The following SEPTIN9 variants were observed in gnomAD, a reference collection of about 807,000 sequenced individuals.
SEPTIN9 encodes septin-9.
Under a neutral mutation model 56.6 loss-of-function variants are expected in SEPTIN9, and 13 were observed. The observed-to-expected ratio is 0.23, with a 90% CI of 0.15 to 0.37. SEPTIN9 has a LOEUF of 0.37. Among genes scored for constraint, SEPTIN9 ranks in the 10% least tolerant of loss-of-function variants. SEPTIN9 has a pLI of 1.00. For missense variants in SEPTIN9, 650 were observed against 823.1 expected (o/e 0.79, Z 2.57); for synonymous variants, 332 against 334.1 (o/e 0.99, Z 0.07).
In SEPTIN9 at chr17:77,402,491, C is replaced by G; in HGVS notation, c.509C>G (p.Ser170Cys). Residue 170 changes from serine (S) to cysteine (C), a missense_variant, in exon 3 of 12, where the codon TCC becomes TGC. Coordinates refer to ENST00000427177, the MANE Select transcript of SEPTIN9 (RefSeq NM_001113491.2). The surrounding 1 kb of genome is among the most constrained non-coding windows in gnomAD (Gnocchi z 6.6). ...SAHRRMEPPASKVPEVPTAPA... is the reference protein window; with the variant it reads ...SAHRRMEPPACKVPEVPTAPA... ...CACCGGAGGATGGAGCCCCCTGCCT[C>G]CAAGGTCCCCGAGGTGCCCACTGCC... is the stretch of plus-strand genomic sequence containing the variant. 7.5e-6 allele frequency: 12 copies of G among 1,604,930 alleles called. No homozygotes were observed. Among genetic ancestry groups the G allele is most frequent in the Non-Finnish European group, 1.0e-5 (12 of 1,176,252 alleles).
intron 3 of SEPTIN9, among the ~76,000 whole-genome samples, chr17:77,418,922 A>G (rs1320910778): frequency 6.6e-6 from 1 of 151,984 alleles, no homozygotes; most frequent in Non-Finnish European, 1.5e-5. Flanking sequence ...GACGGCTGTC[A>G]TGTCCCCTCT....
intron 4 of SEPTIN9, among the ~76,000 whole-genome samples, chr17:77,484,410 T>C (rs111064312): frequency 0.54 from 73,650 of 135,836 alleles, 21,526 homozygotes; most frequent in African/African-American, 0.74. Context: ...AGTGGTGGGA[T>C]GGTAGTGATG....
intron 2 of SEPTIN9, among the ~76,000 whole-genome samples, chr17:77,394,205 A>T (rs904945716): frequency 1.1e-4 from 16 of 152,176 alleles, no homozygotes; most frequent in African/African-American, 3.6e-4. Context: ...CCCTACACAG[A>T]TCAGGGACCT....
chr17:77,498,674 C>CCCCCCGGGTCCTG lies in SEPTIN9; in HGVS notation c.*20_*21insCGGGTCCTGCCCC. The CCCCCCGGGTCCTG allele has an allele frequency of 6.6e-7, 1 of 1,519,992 alleles. No individual in the cohort carries two copies. Among genetic ancestry groups the CCCCCCGGGTCCTG allele is most frequent in the Non-Finnish European group, 8.9e-7 (1 of 1,128,964 alleles). 94.2% of individuals were successfully genotyped at this position (1,519,992 alleles called of 1,614,324 possible). ...GGAGATGTAGACGCCACCCTGCCCA[C>CCCCCCGGGTCCTG]CCCCGGGATCCTGCCCCCAAGTCAT... On this transcript the variant is annotated 3_prime_UTR_variant, in exon 12 of 12. Coordinates refer to ENST00000427177, the MANE Select transcript of SEPTIN9 (RefSeq NM_001113491.2).
At chr17:77,312,577 G>A (rs945646861) in intron 2 of SEPTIN9, among the ~76,000 whole-genome samples, 2 of 152,094 alleles carry the variant, frequency 1.3e-5, no homozygotes, top group African/African-American at 2.4e-5. Flanking sequence ...CCATAGCCTC[G>A]GACCAGAGCC....
At chr17:77,362,522 TA>T (rs1272515123) in intron 2 of SEPTIN9, among the ~76,000 whole-genome samples, 2 of 152,210 alleles carry the variant, frequency 1.3e-5, no homozygotes, top group Non-Finnish European at 2.9e-5. Flanking sequence ...TTCTCTAATT[TA>T]TTTTGTTCCC....
intron 1 of SEPTIN9, among the ~76,000 whole-genome samples, chr17:77,302,743 G>A (rs1274144285): frequency 6.6e-6 from 1 of 152,106 alleles, no homozygotes; most frequent in Non-Finnish European, 1.5e-5. Flanking sequence ...GTCCACCCCT[G>A]CAAAGCTGCT....
rs2143701378 is a variant in SEPTIN9 at position 77,329,844 on chromosome 17, A to G, written c.76+22647A>G. On this transcript the variant is annotated intron_variant, in intron 2 of 11. Transcript: ENST00000427177. This position sits in a 1 kb window ranked among gnomAD's most constrained non-coding sequence, Gnocchi z 4.3. ...GAGGCAGAACCTCCCTCCCATATTT[A>G]CAGCACCAGCCAAGGCTTCGGGGTT... Among the ~76,000 whole-genome samples the G allele has an allele frequency of 6.6e-6, 1 of 152,224 alleles. No homozygotes were observed. Among genetic ancestry groups the G allele is most frequent in the African/African-American group, 2.4e-5 (1 of 41,550 alleles).
At chr17:77,423,931 C>T (rs1188671885) in intron 3 of SEPTIN9, among the ~76,000 whole-genome samples, 1 of 147,728 alleles carries the variant, frequency 6.8e-6, no homozygotes, top group Non-Finnish European at 1.5e-5. Context: ...CCGCCCTGAG[C>T]CCTGCCTGGG....
intron 3 of SEPTIN9, among the ~76,000 whole-genome samples, chr17:77,447,350 A>G (rs2037780603): frequency 6.6e-6 from 1 of 152,068 alleles, no homozygotes; most frequent in East Asian, 1.9e-4. Context: ...CTCAGCCCCC[A>G]CGTCTGCATC....
At chr17:77,440,249 G>A (rs2037495636) in intron 3 of SEPTIN9, among the ~76,000 whole-genome samples, 2 of 152,086 alleles carry the variant, frequency 1.3e-5, no homozygotes, top group African/African-American at 4.8e-5. Context: ...CCACCTCTCG[G>A]GTTCAAGCGA....
intron 2 of SEPTIN9, among the ~76,000 whole-genome samples, chr17:77,358,517 G>A (rs2034323325): frequency 6.6e-6 from 1 of 151,908 alleles, no homozygotes; most frequent in African/African-American, 2.4e-5. Context: ...GCTACTCAAG[G>A]AGAACCCAGC....
chr17:77,302,170 A>T (rs973950301), intron 1 of SEPTIN9, among the ~76,000 whole-genome samples: 1 of 152,230 alleles, frequency 6.6e-6, no homozygotes, highest in Non-Finnish European at 1.5e-5. Flanking sequence ...ATAACAACCC[A>T]GGTAAAAGAA....
chr17:77,468,236 G>A (rs1160369293), intron 3 of SEPTIN9, among the ~76,000 whole-genome samples: 1 of 152,176 alleles, frequency 6.6e-6, no homozygotes, highest in African/African-American at 2.4e-5. Flanking sequence ...CTGCACTCCA[G>A]CCTGGGCGAC....
At chr17:77,412,718 C>T (rs375658763) in intron 3 of SEPTIN9, among the ~76,000 whole-genome samples, 2 of 151,510 alleles carry the variant, frequency 1.3e-5, no homozygotes, top group Non-Finnish European at 2.9e-5. Context: ...AGAGTGAGAT[C>T]CTGTCTAAAA....
chr17:77,474,531 C>A (rs1031235975), intron 3 of SEPTIN9, among the ~76,000 whole-genome samples: 3 of 152,212 alleles, frequency 2.0e-5, no homozygotes, highest in Non-Finnish European at 4.4e-5. Context: ...CTCCAGCTCC[C>A]TGGGGGAGAG....
chr17:77,492,578 C>A lies in SEPTIN9; in HGVS notation c.1381-43C>A. ...GGCAAACACCAGTGGGTGGGTAGAG[C>A]TTGCCACAGGGATGGGCCCATCTCT... On this transcript the variant is annotated intron_variant, in intron 8 of 11. Coordinates refer to ENST00000427177, the MANE Select transcript of SEPTIN9 (RefSeq NM_001113491.2). The surrounding 1 kb of genome is among the most constrained non-coding windows in gnomAD (Gnocchi z 5.4). 6.4e-7 allele frequency: 1 copy of A among 1,570,550 alleles called. No homozygotes were observed. Among genetic ancestry groups the A allele is most frequent in the Non-Finnish European group, 8.8e-7 (1 of 1,140,368 alleles).
chr17:77,318,662 TG>T lies in SEPTIN9; in HGVS notation c.76+11468del, dbSNP rs1183557636. Among the ~76,000 whole-genome samples, 1 of 152,030 alleles carries T rather than the reference TG, an allele frequency of 6.6e-6. No individual in the cohort carries two copies. The highest frequency in any genetic ancestry group is 2.4e-5 in the African/African-American group (1 of 41,396). On this transcript the variant is annotated intron_variant, in intron 2 of 11. Transcript: ENST00000427177. The surrounding 1 kb of genome is among the most constrained non-coding windows in gnomAD (Gnocchi z 4.9). ...GGTTGCTTGATGTCTCCCAGAAGGC[TG>T]GGAATGGTCCTCCCCACCCCCCAGG... is the stretch of plus-strand genomic sequence containing the variant.
chr17:77,449,595 C>T lies in SEPTIN9; in HGVS notation c.722-32549C>T, dbSNP rs1190605822. ...GAGGGAGAGGCCCACGGGGCAGGGG[C>T]GTGGTGGGAGCTGCATCCTCGAGGC... On this transcript the variant is annotated intron_variant, in intron 3 of 11. Coordinates refer to ENST00000427177, the MANE Select transcript of SEPTIN9 (RefSeq NM_001113491.2). The surrounding 1 kb of genome is among the most constrained non-coding windows in gnomAD (Gnocchi z 4.6). 3.3e-5 allele frequency among the ~76,000 whole-genome samples: 5 copies of T among 152,142 alleles called. No homozygotes were observed. The highest frequency in any genetic ancestry group is 7.2e-5 in the African/African-American group (3 of 41,428).
Sources: gnomAD v4.1 joint callset for allele counts (sites outside exome capture counted in the v4.1 genomes callset) on GRCh38, gnomAD v4.1.1 for gene constraint, Gnocchi (gnomAD v3.1) non-coding constraint, MANE v1.5 for transcripts, NCBI Gene and HGNC (gene_info 2026-07-23, HGNC 2026-07-21) for gene names.